PDE7A: variants seen among roughly 807,000 people sequenced by gnomAD.
PDE7A encodes the protein high affinity 3',5'-cyclic-AMP phosphodiesterase 7A.
In PDE7A, 39 loss-of-function variants were observed where a neutral mutation model predicts 64.3. The ratio of observed to expected loss-of-function variants is 0.61; its 90% CI spans 0.47 to 0.79. PDE7A has a LOEUF of 0.79. Ranked by LOEUF, PDE7A falls within the 30% of genes least tolerant of loss-of-function variation. PDE7A has a pLI of 0.00. For missense variants in PDE7A, 470 were observed against 582.8 expected, an observed-to-expected ratio of 0.81 and a Z score of 1.99; for synonymous variants, 203 against 206.8, an observed-to-expected ratio of 0.98 and a Z score of 0.16.
chr8:65,792,652 G>A lies in PDE7A; in HGVS notation c.139-9809C>T, dbSNP rs80197515. 9.9e-5 allele frequency among the ~76,000 whole-genome samples: 15 copies of A among 152,206 alleles called. No homozygotes were observed. In the East Asian group the frequency reaches 1.9e-3, roughly 20 times the overall value. On this transcript the variant is annotated intron_variant, in intron 1 of 12. Transcript: ENST00000401827. ...TGTAGAAAACTATAACCAAATTTGC[G>A]ACAGAAAAAATGTGAACACTATAGT...
At chr8:65,760,102 T>C (rs567265823) in intron 3 of PDE7A, among the ~76,000 whole-genome samples, 1 of 152,118 alleles carries the variant, frequency 6.6e-6, no homozygotes, top group Non-Finnish European at 1.5e-5. Context: ...TATCTGGGTG[T>C]GGTGGTGGTC....
chr8:65,840,913 G>T (rs1811065467), intron 1 of PDE7A, among the ~76,000 whole-genome samples: 1 of 152,268 alleles, frequency 6.6e-6, no homozygotes, highest in Admixed American at 6.5e-5. Context: ...CGCAGGACCA[G>T]GCGAGCGCCG....
chr8:65,792,382 T>C (rs1809725318), intron 1 of PDE7A, among the ~76,000 whole-genome samples: 1 of 152,222 alleles, frequency 6.6e-6, no homozygotes, highest in African/African-American at 2.4e-5. Flanking sequence ...GAAAAAAATA[T>C]GACTTTGTTC....
At chr8:65,836,330 G>A (rs1810951418) in intron 1 of PDE7A, among the ~76,000 whole-genome samples, 1 of 152,170 alleles carries the variant, frequency 6.6e-6, no homozygotes, top group African/African-American at 2.4e-5. Flanking sequence ...AATAGCACAA[G>A]CAATACTTCA....
chr8:65,788,300 T>C (rs1809614023), intron 1 of PDE7A, among the ~76,000 whole-genome samples: 1 of 152,202 alleles, frequency 6.6e-6, no homozygotes, highest in Admixed American at 6.5e-5. Flanking sequence ...AATGGCTAGC[T>C]AGCATTCTAT....
intron 3 of PDE7A, among the ~76,000 whole-genome samples, chr8:65,765,048 G>A (rs1318395473): frequency 6.6e-6 from 1 of 152,186 alleles, no homozygotes; most frequent in East Asian, 1.9e-4. Context: ...CTATGAGCCA[G>A]AAGCTGCCAG....
intron 1 of PDE7A, among the ~76,000 whole-genome samples, chr8:65,837,022 A>T (rs1317342723): frequency 6.6e-6 from 1 of 152,242 alleles, no homozygotes; most frequent in African/African-American, 2.4e-5. Context: ...CCAGAAATTT[A>T]GGCATACATG....
At chr8:65,797,959 A>G (rs1809882635) in intron 1 of PDE7A, among the ~76,000 whole-genome samples, 1 of 150,810 alleles carries the variant, frequency 6.6e-6, no homozygotes. Flanking sequence ...AAAGATTTCT[A>G]GACACAAGAA....
At chr8:65,821,207 G>C (rs1026008187) in intron 1 of PDE7A, among the ~76,000 whole-genome samples, 2 of 149,920 alleles carry the variant, frequency 1.3e-5, no homozygotes, top group African/African-American at 4.9e-5. Flanking sequence ...TTTCATATTT[G>C]TATTTTTTTT....
chr8:65,803,742 T>C (rs1213233712), intron 1 of PDE7A, among the ~76,000 whole-genome samples: 3 of 152,220 alleles, frequency 2.0e-5, no homozygotes, highest in South Asian at 2.1e-4. Context: ...ACAGTATTTA[T>C]ATTTGAAATA....
intron 1 of PDE7A, among the ~76,000 whole-genome samples, chr8:65,796,894 G>A (rs890011653): frequency 3.3e-5 from 5 of 152,008 alleles, no homozygotes; most frequent in African/African-American, 1.2e-4. Flanking sequence ...AGAAAAAACT[G>A]TCTTTTGTGC....
chr8:65,747,235 GCTGGGTTTAC>G (rs1807713448), intron 4 of PDE7A, among the ~76,000 whole-genome samples: 2 of 152,136 alleles, frequency 1.3e-5, no homozygotes, highest in African/African-American at 4.8e-5. Flanking sequence ...AACTTTCTGT[GCTGGGTTTAC>G]CTCTAACCAG....
In PDE7A at chr8:65,716,922, C is replaced by T. The variant is rs1217532502; in HGVS notation, c.*2368G>A. Among the ~76,000 whole-genome samples the T allele has an allele frequency of 6.6e-6, 1 of 152,156 alleles. No homozygotes were observed. Among genetic ancestry groups the T allele is most frequent in the Non-Finnish European group, 1.5e-5 (1 of 68,040 alleles). On this transcript the variant is annotated 3_prime_UTR_variant, in exon 13 of 13. Coordinates refer to ENST00000401827, the MANE Select transcript of PDE7A (RefSeq NM_001242318.3). ...ATACCCACACTGTCCAATATGGTAG[C>T]CACTAGCCACATGTGGATATTGGGT... is the stretch of plus-strand genomic sequence containing the variant.
intron 3 of PDE7A, among the ~76,000 whole-genome samples, chr8:65,753,804 A>C (rs901421871): frequency 1.3e-5 from 2 of 152,156 alleles, no homozygotes; most frequent in Non-Finnish European, 2.9e-5. Flanking sequence ...CCATTGTTAG[A>C]TATACGTATG....
chr8:65,818,142 C>A (rs1407062690), intron 1 of PDE7A, among the ~76,000 whole-genome samples: 1 of 152,006 alleles, frequency 6.6e-6, no homozygotes. Context: ...TCCTTTAGTT[C>A]TTTTCACATA....
At chr8:65,750,504 C>CTG (rs1043866998) in intron 3 of PDE7A, among the ~76,000 whole-genome samples, 3 of 143,154 alleles carry the variant, frequency 2.1e-5, no homozygotes, top group Non-Finnish European at 3.0e-5. Flanking sequence ...GTGTGTGTGT[C>CTG]TGTGTGTGTC....
intron 1 of PDE7A, among the ~76,000 whole-genome samples, chr8:65,812,115 G>C (rs1810271370): frequency 6.6e-6 from 1 of 151,880 alleles, no homozygotes; most frequent in African/African-American, 2.4e-5. Flanking sequence ...TCTGAGGTGG[G>C]AGGATCATTT....
chr8:65,779,904 A>G (rs1809365035), intron 2 of PDE7A, 101 bp from the exon 3 acceptor site: 1 of 621,854 alleles, frequency 1.6e-6, no homozygotes, highest in Non-Finnish European at 2.8e-6. Flanking sequence ...TTCATAAGTA[A>G]CAGCCCACTG....
At position 65,717,778 on chromosome 8, in the gene PDE7A, A is replaced by C. The variant is rs1378168856; in HGVS notation, c.*1512T>G. 6.6e-6 allele frequency: 1 copy of C among 152,266 alleles called. No homozygotes were observed. The highest frequency in any genetic ancestry group is 1.5e-5 in the Non-Finnish European group (1 of 68,044). 9.4% of individuals were successfully genotyped at this position (152,266 alleles called of 1,614,324 possible). A position where few individuals can be genotyped will look rare whatever the true frequency, so the allele number is the denominator to read the frequency against. On this transcript the variant is annotated 3_prime_UTR_variant, in exon 13 of 13. Transcript: ENST00000401827. ...GCCTTTTACAAATGGCTTTACACTC[A>C]AGCTTTCTCCCAAGAAAATGGCTGT... is the stretch of plus-strand genomic sequence containing the variant.
Sources: allele counts gnomAD v4.1 joint callset (sites outside exome capture counted in the v4.1 genomes callset), GRCh38; gene constraint gnomAD v4.1.1; transcripts MANE v1.5; gene names NCBI Gene and HGNC (gene_info 2026-07-23, HGNC 2026-07-21).